Variants in NT5DC3 observed in about 807,000 individuals in gnomAD.
The protein encoded by NT5DC3 is 5'-nucleotidase domain-containing protein 3.
Under a neutral mutation model 67.8 loss-of-function variants are expected in NT5DC3, and 42 were observed. The observed-to-expected ratio is 0.62, with a 90% confidence interval of 0.48 to 0.80. NT5DC3 has a LOEUF of 0.80. NT5DC3 is among the 30% of genes least tolerant of loss of function. The pLI is 0.00. For synonymous variants in NT5DC3, 237 were observed against 255.6 expected, an observed-to-expected ratio of 0.93 and a Z score of 0.69; for missense variants, 570 against 696.4, an observed-to-expected ratio of 0.82 and a Z score of 2.04.
At chr12:103,749,872 AGCTGGTAAGATGTGGCAGG>A in the NT5DC3 span, among the ~76,000 whole-genome samples, 1 of 131,480 alleles carries the variant, frequency 7.6e-6, no homozygotes, top group African/African-American at 2.9e-5. Context: ...AAAAAAAAAA[AGCTGGTAAGATGTGGCAGG>A]AAAAGTGCCG....
the NT5DC3 span, chr12:103,750,763 C>T: frequency 1.6e-3 from 2,518 of 1,580,854 alleles, 35 homozygotes; most frequent in African/African-American, 0.03. Context: ...CCCTCCTCTT[C>T]AGGCCTGGGG....
intron 1 of NT5DC3, among the ~76,000 whole-genome samples, chr12:103,835,010 A>G (rs568446485): frequency 2.0e-5 from 3 of 152,294 alleles, no homozygotes; most frequent in Non-Finnish European, 4.4e-5. Flanking sequence ...CATTTCCCGC[A>G]TCCCTGAGCC....
At chr12:103,807,974 C>G (rs1886873101) in intron 2 of NT5DC3, among the ~76,000 whole-genome samples, 3 of 152,186 alleles carry the variant, frequency 2.0e-5, no homozygotes, top group Admixed American at 6.5e-5. Flanking sequence ...ATGTCTTTAT[C>G]AGCAGCATGA....
chr12:103,835,456 G>A (rs570961981), intron 1 of NT5DC3, among the ~76,000 whole-genome samples: 1 of 152,286 alleles, frequency 6.6e-6, no homozygotes, highest in South Asian at 2.1e-4. Context: ...ATTATTTAGT[G>A]CAGTGGCCTC....
intron 1 of NT5DC3, chr12:103,821,963 T>C (rs1163710353): frequency 6.6e-6 from 1 of 152,220 alleles, no homozygotes; most frequent in Non-Finnish European, 1.5e-5. Flanking sequence ...CTAATGTCTA[T>C]GCATAAACAC....
chr12:103,765,995 A>G (rs1884928259), downstream of NT5DC3: 3 of 544,678 alleles, frequency 5.5e-6, no homozygotes, highest in Non-Finnish European at 1.0e-5. Flanking sequence ...TAATCCTCCT[A>G]CCTCCCTGTG....
intron 10 of NT5DC3, 72 bp downstream of exon 10, chr12:103,788,766 G>T: frequency 1.0e-6 from 1 of 958,934 alleles, no homozygotes; most frequent in South Asian, 1.3e-5. Context: ...AAGCCACAAT[G>T]AACATCAGCT....
chr12:103,752,029 G>A, the NT5DC3 span, among the ~76,000 whole-genome samples: 6 of 152,266 alleles, frequency 3.9e-5, no homozygotes, highest in Admixed American at 1.3e-4. Context: ...ATTTGCAGCC[G>A]ATTTGGTAAT....
the NT5DC3 span, among the ~76,000 whole-genome samples, chr12:103,760,340 A>C: frequency 1.1e-4 from 16 of 152,076 alleles, no homozygotes; most frequent in Non-Finnish European, 1.2e-4. Flanking sequence ...GGTTCACTGC[A>C]ACCTCCCCCT....
intron 9 of NT5DC3, among the ~76,000 whole-genome samples, chr12:103,790,835 G>A (rs1030904043): frequency 3.3e-5 from 5 of 150,970 alleles, no homozygotes; most frequent in Admixed American, 1.3e-4. Context: ...GACTACAAGC[G>A]CCCACCACCA....
downstream of NT5DC3, chr12:103,766,361 ATCAC>A: frequency 6.3e-7 from 1 of 1,594,206 alleles, no homozygotes; most frequent in Non-Finnish European, 8.6e-7. Flanking sequence ...GATGCCAGCC[ATCAC>A]TCACTGCCAC....
intron 1 of NT5DC3, among the ~76,000 whole-genome samples, chr12:103,823,263 C>T (rs931182777): frequency 6.6e-6 from 1 of 151,532 alleles, no homozygotes; most frequent in South Asian, 2.1e-4. Flanking sequence ...TTCTCCACTA[C>T]CCTCCATGTA....
At chr12:103,748,495 C>G in the NT5DC3 span, among the ~76,000 whole-genome samples, 42 of 152,156 alleles carry the variant, frequency 2.8e-4, 2 homozygotes, top group Admixed American at 8.5e-4. Flanking sequence ...TTTGTCAGGT[C>G]AGTTAAGCTG....
intron 4 of NT5DC3, among the ~76,000 whole-genome samples, chr12:103,805,377 C>T (rs989793042): frequency 5.9e-5 from 9 of 152,170 alleles, no homozygotes; most frequent in Non-Finnish European, 1.0e-4. Flanking sequence ...TGACTCTATC[C>T]ATGTTTCACT....
chr12:103,767,934 A>T (rs1004515250), downstream of NT5DC3, among the ~76,000 whole-genome samples: 1 of 151,658 alleles, frequency 6.6e-6, no homozygotes, highest in Non-Finnish European at 1.5e-5. Flanking sequence ...TACAAAAAAA[A>T]AATAATAGCT....
intron 7 of NT5DC3, 74 bp from the exon 8 acceptor site, chr12:103,793,586 G>A (rs1886164051): frequency 9.1e-7 from 1 of 1,098,864 alleles, no homozygotes; most frequent in Admixed American, 1.8e-5. Flanking sequence ...TCTAAATGGG[G>A]GTTTGGGTCC....
chr12:103,767,551 T>TTTG (rs1675415807), downstream of NT5DC3, among the ~76,000 whole-genome samples: 1 of 152,304 alleles, frequency 6.6e-6, no homozygotes, highest in African/African-American at 2.4e-5. Flanking sequence ...TGGTATGCTG[T>TTTG]TTGTTAGTTA....
At chr12:103,806,176 C>A in intron 4 of NT5DC3, 146 bp downstream of exon 4, 1 of 648,402 alleles carries the variant, frequency 1.5e-6, no homozygotes, top group South Asian at 1.8e-5. Flanking sequence ...GGTAGCAGGC[C>A]TCAACAAATG....
At chr12:103,793,538 A>C in intron 7 of NT5DC3, 26 bp from the exon 8 acceptor site, 1 of 1,511,418 alleles carries the variant, frequency 6.6e-7, no homozygotes, top group Non-Finnish European at 9.2e-7. Context: ...AAATTCACAC[A>C]CAGATTCAGC....
Sources: allele counts gnomAD v4.1 joint callset (sites outside exome capture counted in the v4.1 genomes callset), GRCh38; gene constraint gnomAD v4.1.1; transcripts MANE v1.5; gene names NCBI Gene and HGNC (gene_info 2026-07-23, HGNC 2026-07-21).